The following UBE2M variants were observed in gnomAD, a reference collection of about 807,000 sequenced individuals.
UBE2M encodes NEDD8-conjugating enzyme Ubc12.
A neutral mutation model predicts 23.5 loss-of-function variants in UBE2M; 2 were observed. The observed-to-expected ratio is 0.09, with a 90% CI of 0.03 to 0.27. The LOEUF (loss-of-function observed/expected upper bound fraction) is 0.27. Ranked by LOEUF, UBE2M falls within the 10% of genes least tolerant of loss-of-function variation. UBE2M has a pLI of 1.00. For missense variants in UBE2M, 103 were observed against 232.9 expected (o/e 0.44, Z 3.63); for synonymous variants, 97 against 95.2 (o/e 1.02, Z -0.11).
Position 58,556,942 on chromosome 19 carries a change from AGG to A in UBE2M, c.205-14_205-13del. 5.0e-6 allele frequency: 8 copies of A among 1,613,986 alleles called. No homozygotes were observed. Among genetic ancestry groups the A allele is most frequent in the Non-Finnish European group, 6.8e-6 (8 of 1,179,970 alleles). ...CTCTTGTAGAAGCCCTGGGAGGAAA[AGG>A]GGGAGAAGAAAATTTTAGGGTTCCA... is the stretch of plus-strand genomic sequence containing the variant. On this transcript the variant is annotated splice_polypyrimidine_tract_variant and intron_variant, in intron 2 of 5. Transcript: ENST00000253023. This position sits in a 1 kb window ranked among gnomAD's most constrained non-coding sequence, Gnocchi z 4.9.
chr19:58,557,640 C>T (rs530321518), intron 1 of UBE2M, among the ~76,000 whole-genome samples: 23 of 151,742 alleles, frequency 1.5e-4, no homozygotes, highest in Admixed American at 8.5e-4. Flanking sequence ...CCCACACTCT[C>T]AAGTCCCCAA....
rs137890092 is a variant in UBE2M at position 58,557,118 on chromosome 19, C to G, written c.149G>C (p.Ser50Thr). 2 of 1,614,040 alleles carry G rather than the reference C, an allele frequency of 1.2e-6. No individual in the cohort carries two copies. The highest frequency in any genetic ancestry group is 1.7e-5 in the Admixed American group (1 of 60,016). ...GAGGAGGTCGTCTGGATCTGAGAAG[C>G]TGATATCACACGTCTTGGGCAGGTT... is the stretch of plus-strand genomic sequence containing the variant. Reference protein sequence around the residue: ...ELNLPKTCDISFSDPDDLLNF... With the variant: ...ELNLPKTCDITFSDPDDLLNF... The change falls in exon 2 of 6, where the codon AGC becomes ACC. Residue 50 changes from serine to threonine, a missense_variant. By Grantham distance (58) the Ser-to-Thr change is moderately conservative. This residue lies in a region of UBE2M where 57 missense variants were observed against 103.3 expected (regional missense o/e 0.55). Coordinates refer to ENST00000253023, the MANE Select transcript of UBE2M (RefSeq NM_003969.4).
Position 58,556,095 on chromosome 19 carries a change from C to G in UBE2M, c.546G>C (p.Leu182=), listed in dbSNP as rs755165530. 30 of 1,607,608 alleles carry G rather than the reference C, an allele frequency of 1.9e-5. No individual in the cohort carries two copies. The East Asian group carries it at 6.0e-4, about 32-fold the overall frequency. The change falls in exon 6 of 6, where the codon CTG becomes CTC. Residue 182 remains leucine (L), a synonymous_variant. Coordinates refer to ENST00000253023, the MANE Select transcript of UBE2M (RefSeq NM_003969.4). The surrounding 1 kb of genome is among the most constrained non-coding windows in gnomAD (Gnocchi z 4.9). ...GGGTGGGTATGCGCCAACCCTATTT[C>G]AGGCAGCGCTCAAAGTAGGTGGAGC... The part of the protein sequence containing the change: ...YIGSTYFERC[L]K
chr19:58,556,442 G>C lies in UBE2M; in HGVS notation c.348-63C>G. The C allele has an allele frequency of 6.4e-7, 1 of 1,556,842 alleles. No individual in the cohort carries two copies. The highest frequency in any genetic ancestry group is 2.3e-5 in the East Asian group (1 of 44,430). On this transcript the variant is annotated intron_variant, in intron 4 of 5. Transcript: ENST00000253023. The surrounding 1 kb of genome is among the most constrained non-coding windows in gnomAD (Gnocchi z 4.9). ...TGGGAGACTGCCACAGGCCCCTCTG[G>C]TGTTGGGCAGGTCAGATCCAGGGCA...
chr19:58,557,264 T>A, intron 1 of UBE2M, 107 bp from the exon 2 acceptor site: 1 of 1,150,508 alleles, frequency 8.7e-7, no homozygotes, highest in Non-Finnish European at 1.3e-6. Context: ...AGAGCCCCCA[T>A]CGTCTCCTCC....
At position 58,556,261 on chromosome 19, in the gene UBE2M, G is replaced by T. The variant is rs372036410; in HGVS notation, c.412-32C>A. The T allele has an allele frequency of 6.2e-7, 1 of 1,613,876 alleles. No homozygotes were observed. The highest frequency in any genetic ancestry group is 2.2e-5 in the East Asian group (1 of 44,882). On this transcript the variant is annotated intron_variant, in intron 5 of 5. Transcript: ENST00000253023. The surrounding 1 kb of genome is among the most constrained non-coding windows in gnomAD (Gnocchi z 4.9). ...CCAGTACAGGTAGGGGGGGTCAACA[G>T]GCCAGAGGGACAGAAGGCCAATCTC...
In UBE2M at chr19:58,556,426, G is replaced by T; in HGVS notation, c.348-47C>A. On this transcript the variant is annotated intron_variant, in intron 4 of 5. Coordinates refer to ENST00000253023, the MANE Select transcript of UBE2M (RefSeq NM_003969.4). This position sits in a 1 kb window ranked among gnomAD's most constrained non-coding sequence, Gnocchi z 4.9. Reference sequence around the variant, plus strand: ...GTCAGGGCTTGGTGAGTGGGAGACTGCCACAGGCCCCTCTGGTGTTGGGCA... The same window carrying T: ...GTCAGGGCTTGGTGAGTGGGAGACTTCCACAGGCCCCTCTGGTGTTGGGCA... 2 of 1,592,508 alleles carry T rather than the reference G, an allele frequency of 1.3e-6. No homozygotes were observed. Among genetic ancestry groups the T allele is most frequent in the East Asian group, 4.5e-5 (2 of 44,736 alleles).
Position 58,556,495 on chromosome 19 carries a change from G to A in UBE2M, c.348-116C>T. On this transcript the variant is annotated intron_variant, in intron 4 of 5. Transcript: ENST00000253023. This position sits in a 1 kb window ranked among gnomAD's most constrained non-coding sequence, Gnocchi z 4.9. ...GGAGAGTGAGCATGTGAGAGGCTGG[G>A]AGGGAGGGTGTGGAGCAGGACAGGC... 8.2e-7 allele frequency: 1 copy of A among 1,226,528 alleles called. No homozygotes were observed. The highest frequency in any genetic ancestry group is 1.2e-6 in the Non-Finnish European group (1 of 859,718). 76.0% of individuals were successfully genotyped at this position (1,226,528 alleles called of 1,614,324 possible). A position where few individuals can be genotyped will look rare whatever the true frequency, so the allele number is the denominator to read the frequency against.
In UBE2M at chr19:58,555,904, G is replaced by A. The variant is rs1158036682; in HGVS notation, c.*185C>T. The A allele has an allele frequency of 4.1e-5, 32 of 773,526 alleles. No homozygotes were observed. The highest frequency in any genetic ancestry group is 3.8e-4 in the South Asian group (20 of 52,948). 47.9% of individuals were successfully genotyped at this position (773,526 alleles called of 1,614,324 possible). On this transcript the variant is annotated 3_prime_UTR_variant, in exon 6 of 6. Transcript: ENST00000253023. The stretch of plus-strand genomic sequence containing the variant: ...TGAGTGGGTCGGGGGAGGCAGCGCC[G>A]ACCTTAATCACATGGTGTTAAAAAA...
rs946177375 is a variant in UBE2M, at chr19:58,558,101, C to T, written c.109+172G>A. Among the ~76,000 whole-genome samples the T allele has an allele frequency of 3.3e-5, 5 of 151,784 alleles. No individual in the cohort carries two copies. The highest frequency in any genetic ancestry group is 7.4e-5 in the Non-Finnish European group (5 of 67,914). The stretch of plus-strand genomic sequence containing the variant: ...CGGGCCCCTATCTCTGACCCCCTCC[C>T]CGTGACTGCATGATCCCAACCCTCA... On this transcript the variant is annotated intron_variant, in intron 1 of 5. Transcript: ENST00000253023. This position sits in a 1 kb window ranked among gnomAD's most constrained non-coding sequence, Gnocchi z 4.7.
rs781035850 is a variant in UBE2M, at chr19:58,556,244, G to A, written c.412-15C>T. On this transcript the variant is annotated splice_polypyrimidine_tract_variant and intron_variant, in intron 5 of 5. Transcript: ENST00000253023. This position sits in a 1 kb window ranked among gnomAD's most constrained non-coding sequence, Gnocchi z 4.9. ...GGGTTGGGCTCCTGTGGCCAGTACA[G>A]GTAGGGGGGGTCAACAGGCCAGAGG... is the stretch of plus-strand genomic sequence containing the variant. 2 of 1,613,944 alleles carry A rather than the reference G, an allele frequency of 1.2e-6. No homozygotes were observed. The highest frequency in any genetic ancestry group is 3.3e-5 in the Admixed American group (2 of 60,028).
chr19:58,556,393 G>C lies in UBE2M; in HGVS notation c.348-14C>G. On this transcript the variant is annotated splice_polypyrimidine_tract_variant and intron_variant, in intron 4 of 5. Coordinates refer to ENST00000253023, the MANE Select transcript of UBE2M (RefSeq NM_003969.4). This position sits in a 1 kb window ranked among gnomAD's most constrained non-coding sequence, Gnocchi z 4.9. ...TTCCAGTCCTCTCTGTGGACAGAGA[G>C]CATCAGGGTCAGGGCTTGGTGAGTG... 1 of 1,613,434 alleles carries C rather than the reference G, an allele frequency of 6.2e-7. No individual in the cohort carries two copies. The highest frequency in any genetic ancestry group is 8.5e-7 in the Non-Finnish European group (1 of 1,179,936).
intron 1 of UBE2M, among the ~76,000 whole-genome samples, chr19:58,557,997 A>C (rs2053903806): frequency 2.6e-5 from 4 of 150,988 alleles, no homozygotes; most frequent in East Asian, 1.9e-4. Flanking sequence ...CAGTTCCTCC[A>C]CTCCACTGCC....
intron 1 of UBE2M, among the ~76,000 whole-genome samples, chr19:58,557,621 C>CA (rs2053900792): frequency 6.6e-6 from 1 of 151,832 alleles, no homozygotes; most frequent in South Asian, 2.1e-4. Context: ...CCCAGCTTTC[C>CA]ATGTGACCCC....
chr19:58,558,473 G>C lies in UBE2M; in HGVS notation c.-92C>G. 1.6e-6 allele frequency: 1 copy of C among 634,620 alleles called. No homozygotes were observed. The highest frequency in any genetic ancestry group is 2.0e-5 in the African/African-American group (1 of 49,830). 39.3% of individuals were successfully genotyped at this position (634,620 alleles called of 1,614,324 possible). Reference sequence around the variant, plus strand: ...GCCGCCCGCGTCGCCTCCGCTCCTCGGACCCGCAGCTGCGGCCTCCTCCGC... The same window carrying C: ...GCCGCCCGCGTCGCCTCCGCTCCTCCGACCCGCAGCTGCGGCCTCCTCCGC... On this transcript the variant is annotated 5_prime_UTR_variant, in exon 1 of 6. Coordinates refer to ENST00000253023, the MANE Select transcript of UBE2M (RefSeq NM_003969.4). The surrounding 1 kb of genome is among the most constrained non-coding windows in gnomAD (Gnocchi z 4.7).
Position 58,555,797 on chromosome 19 carries a change from G to T in UBE2M, c.*292C>A, listed in dbSNP as rs1307646093. ...CTGGGCCCAGCTACCCAGGCCCGTT[G>T]CCCACCCACTCCACAGCCCAGAGTG... is the stretch of plus-strand genomic sequence containing the variant. On this transcript the variant is annotated 3_prime_UTR_variant, in exon 6 of 6. Transcript: ENST00000253023. 4.5e-6 allele frequency: 2 copies of T among 442,112 alleles called. No individual in the cohort carries two copies. Among genetic ancestry groups the T allele is most frequent in the Non-Finnish European group, 8.3e-6 (2 of 239,698 alleles). 27.4% of individuals were successfully genotyped at this position (442,112 alleles called of 1,614,324 possible). A position where few individuals can be genotyped will look rare whatever the true frequency, so the allele number is the denominator to read the frequency against.
At position 58,556,453 on chromosome 19, in the gene UBE2M, G is replaced by A; in HGVS notation, c.348-74C>T. 1 of 1,507,598 alleles carries A rather than the reference G, an allele frequency of 6.6e-7. No homozygotes were observed. Among genetic ancestry groups the A allele is most frequent in the Non-Finnish European group, 9.2e-7 (1 of 1,091,134 alleles). 93.4% of individuals were successfully genotyped at this position (1,507,598 alleles called of 1,614,324 possible). On this transcript the variant is annotated intron_variant, in intron 4 of 5. Coordinates refer to ENST00000253023, the MANE Select transcript of UBE2M (RefSeq NM_003969.4). This position sits in a 1 kb window ranked among gnomAD's most constrained non-coding sequence, Gnocchi z 4.9. The stretch of plus-strand genomic sequence containing the variant: ...CACAGGCCCCTCTGGTGTTGGGCAG[G>A]TCAGATCCAGGGCATAGGAGAGTGA...
Position 58,556,935 on chromosome 19 carries a change from G to T in UBE2M, c.205-5C>A. 6.2e-7 allele frequency: 1 copy of T among 1,614,058 alleles called. No individual in the cohort carries two copies. The highest frequency in any genetic ancestry group is 8.5e-7 in the Non-Finnish European group (1 of 1,180,000). ...CTTCCCACTCTTGTAGAAGCCCTGG[G>T]AGGAAAAGGGGGAGAAGAAAATTTT... On this transcript the variant is annotated splice_polypyrimidine_tract_variant and splice_region_variant and intron_variant, in intron 2 of 5. Transcript: ENST00000253023. This position sits in a 1 kb window ranked among gnomAD's most constrained non-coding sequence, Gnocchi z 4.9.
At position 58,558,338 on chromosome 19, in the gene UBE2M, T is replaced by G. The variant is rs781287740; in HGVS notation, c.44A>C (p.Glu15Ala). Residue 15 changes from glutamate to alanine, a missense_variant, in exon 1 of 6, where the codon GAG becomes GCG. Glu to Ala is a moderately radical substitution (Grantham distance 107). This residue lies in a region of UBE2M where 57 missense variants were observed against 103.3 expected (regional missense o/e 0.55). Coordinates refer to ENST00000253023, the MANE Select transcript of UBE2M (RefSeq NM_003969.4). The surrounding 1 kb of genome is among the most constrained non-coding windows in gnomAD (Gnocchi z 4.7). ...GCTGCCCTTGGTGCCGCCCGCCGAC[T>G]CCTCCTCCTTCTTCTGCTGCTTCAG... The part of the protein sequence containing the change: ...FSLKQQKKEE[E>A]SAGGTKGSSK... The G allele has an allele frequency of 1.6e-5, 25 of 1,592,044 alleles. No homozygotes were observed. The highest frequency in any genetic ancestry group is 4.8e-5 in the East Asian group (2 of 42,098).
Sources: gnomAD v4.1 joint callset for allele counts (sites outside exome capture counted in the v4.1 genomes callset) on GRCh38, gnomAD v4.1.1 for gene constraint, gnomAD v4.1.1 regional missense constraint, Gnocchi (gnomAD v3.1) non-coding constraint, MANE v1.5 for transcripts, NCBI Gene and HGNC (gene_info 2026-07-23, HGNC 2026-07-21) for gene names.